The following RCL1 variants were observed in gnomAD, a reference collection of about 807,000 sequenced individuals.
The protein encoded by RCL1 is RNA 3'-terminal phosphate cyclase-like protein.
Under a neutral mutation model 42.4 loss-of-function variants are expected in RCL1, and 24 were observed. The ratio of observed to expected loss-of-function variants is 0.57; its 90% CI spans 0.41 to 0.80. RCL1 has a LOEUF of 0.80. Among genes scored for constraint, RCL1 ranks in the 30% least tolerant of loss-of-function variants. The pLI is 0.00. For missense variants in RCL1, 578 were observed against 467.9 expected (o/e 1.24, Z -2.17); for synonymous variants, 228 against 177.3 (o/e 1.29, Z -2.27).
intron 1 of RCL1, among the ~76,000 whole-genome samples, chr9:4,797,596 A>G (rs1397452121): frequency 6.6e-6 from 1 of 152,202 alleles, no homozygotes; most frequent in Non-Finnish European, 1.5e-5. Context: ...TAAATATCCT[A>G]CAGGACAGCC....
At chr9:4,815,351 C>G (rs889875941) in intron 1 of RCL1, among the ~76,000 whole-genome samples, 2 of 152,004 alleles carry the variant, frequency 1.3e-5, no homozygotes, top group Non-Finnish European at 2.9e-5. Flanking sequence ...GACTTATCTT[C>G]AAGTTCAGAG....
intron 2 of RCL1, among the ~76,000 whole-genome samples, chr9:4,824,437 G>T (rs1214546528): frequency 7.1e-6 from 1 of 140,258 alleles, no homozygotes; most frequent in Non-Finnish European, 1.5e-5. Flanking sequence ...TCCAGCACAT[G>T]CAGGTCTTCC....
At position 4,844,573 on chromosome 9, in the gene RCL1, C is replaced by T. The variant is rs1375171743; in HGVS notation, c.759C>T (p.Thr253=). The change falls in exon 7 of 9, where the codon ACC becomes ACT. Residue 253 remains threonine (T), a synonymous_variant. Coordinates refer to ENST00000381750, the MANE Select transcript of RCL1 (RefSeq NM_005772.5). ...TGGTTGCTGAGACCACCAGTGGCAC[C>T]TTCCTCAGTGCTGAACTGGCCTCCA... ...LSLVAETTSG[T]FLSAELASNP... is the part of the protein sequence containing the mutation. 1.9e-6 allele frequency: 3 copies of T among 1,613,798 alleles called. No homozygotes were observed. The highest frequency in any genetic ancestry group is 2.7e-5 in the African/African-American group (2 of 75,024).
intron 1 of RCL1, among the ~76,000 whole-genome samples, chr9:4,807,087 T>G (rs1374703125): frequency 6.6e-6 from 1 of 152,228 alleles, no homozygotes; most frequent in Non-Finnish European, 1.5e-5. Context: ...TAGTGATATC[T>G]CCTGTTTTAT....
chr9:4,810,201 C>G (rs543698696), intron 1 of RCL1, among the ~76,000 whole-genome samples: 2 of 152,162 alleles, frequency 1.3e-5, no homozygotes, highest in South Asian at 4.2e-4. Flanking sequence ...TTTACCGAAG[C>G]GTACCATATA....
chr9:4,833,837 T>A (rs1390073536), intron 4 of RCL1, among the ~76,000 whole-genome samples: 1 of 152,210 alleles, frequency 6.6e-6, no homozygotes, highest in East Asian at 1.9e-4. Context: ...TATTAAGAAA[T>A]GGGCTCAGAT....
At chr9:4,821,455 G>C (rs1227168089) in intron 1 of RCL1, among the ~76,000 whole-genome samples, 1 of 152,110 alleles carries the variant, frequency 6.6e-6, no homozygotes, top group African/African-American at 2.4e-5. Flanking sequence ...ATTTCGTTTT[G>C]CTATAACAAT....
At chr9:4,858,503 G>C (rs927373128) in intron 8 of RCL1, among the ~76,000 whole-genome samples, 5 of 152,162 alleles carry the variant, frequency 3.3e-5, no homozygotes, top group Non-Finnish European at 7.3e-5. Context: ...AGCTCTTACA[G>C]CTATGACTTT....
chr9:4,860,068 T>C (rs759370081), intron 8 of RCL1, 57 bp from the exon 9 acceptor site: 1 of 1,275,664 alleles, frequency 7.8e-7, no homozygotes, highest in Non-Finnish European at 1.1e-6. Flanking sequence ...TGGTAGAGGA[T>C]AATTTTTTTT....
intron 1 of RCL1, among the ~76,000 whole-genome samples, chr9:4,806,028 GTGTGTGTGTGTGTGTGTT>G (rs1045250285): frequency 2.2e-5 from 3 of 136,444 alleles, no homozygotes; most frequent in Non-Finnish European, 3.2e-5. Flanking sequence ...GTGTGTGTGT[GTGTGTGTGTGTGTGTGTT>G]TGTGTGTGTG....
intron 1 of RCL1, chr9:4,804,350 C>G (rs1843058805): frequency 6.6e-6 from 1 of 152,382 alleles, no homozygotes; most frequent in Non-Finnish European, 1.5e-5. Flanking sequence ...ACGTTGGAGG[C>G]CTGCGGCTGT....
chr9:4,851,400 A>G (rs895869693), intron 8 of RCL1, among the ~76,000 whole-genome samples: 1 of 152,236 alleles, frequency 6.6e-6, no homozygotes, highest in African/African-American at 2.4e-5. Flanking sequence ...GCATAAAGAC[A>G]GGTAAGGGAG....
chr9:4,800,157 C>T lies in RCL1; in HGVS notation c.136+6930C>T, dbSNP rs146642430. Among the ~76,000 whole-genome samples the T allele has an allele frequency of 2.0e-3, 306 of 151,852 alleles. 2 individuals carry two copies. The highest frequency in any genetic ancestry group is 7.0e-3 in the African/African-American group (291 of 41,396). On this transcript the variant is annotated intron_variant, in intron 1 of 8. Coordinates refer to ENST00000381750, the MANE Select transcript of RCL1 (RefSeq NM_005772.5). The stretch of plus-strand genomic sequence containing the variant: ...TGTTGAAAAACATGTAGGTTGTTTC[C>T]AGTTTTTGGCTATCTCGAATAAGGC...
intron 5 of RCL1, chr9:4,836,666 T>C (rs148521680): frequency 2.2e-4 from 34 of 152,074 alleles, no homozygotes; most frequent in Middle Eastern, 3.4e-3. Flanking sequence ...GTGCTTAAGG[T>C]CGGGTTTTGT....
At chr9:4,855,350 G>A (rs1817914734) in intron 8 of RCL1, among the ~76,000 whole-genome samples, 1 of 44,884 alleles carries the variant, frequency 2.2e-5, no homozygotes, top group African/African-American at 9.5e-5. Flanking sequence ...AGCTGCTCTC[G>A]GTGAGCGGTG....
intron 7 of RCL1, among the ~76,000 whole-genome samples, chr9:4,846,903 T>TTTTCTTTTTTTTTA (rs1817535671): frequency 6.6e-6 from 1 of 151,918 alleles, no homozygotes; most frequent in African/African-American, 2.4e-5. Context: ...TCTTTTTTTT[T>TTTTCTTTTTTTTTA]TTGAGGAAGA....
intron 8 of RCL1, among the ~76,000 whole-genome samples, chr9:4,851,885 C>CTTTTTTTT (rs1214271046): frequency 0.26 from 32,514 of 124,150 alleles, 6,134 homozygotes; most frequent in Middle Eastern, 0.35. Context: ...GTGTGAAACT[C>CTTTTTTTT]TTTTTTTTTT....
At chr9:4,853,187 A>G (rs10116715) in intron 8 of RCL1, among the ~76,000 whole-genome samples, 5,094 of 152,090 alleles carry the variant, frequency 0.033, 282 homozygotes, top group African/African-American at 0.11. Flanking sequence ...GGCAAGTACT[A>G]TCATGTGCAC....
chr9:4,857,861 C>T (rs961863920), intron 8 of RCL1, among the ~76,000 whole-genome samples: 4 of 150,422 alleles, frequency 2.7e-5, no homozygotes, highest in Non-Finnish European at 4.4e-5. Context: ...TCCCTAATAA[C>T]CAGTGATGTT....
Sources: allele counts gnomAD v4.1 joint callset (sites outside exome capture counted in the v4.1 genomes callset), GRCh38; gene constraint gnomAD v4.1.1; transcripts MANE v1.5; gene names NCBI Gene and HGNC (gene_info 2026-07-23, HGNC 2026-07-21).